Variants in RPS6KB1 observed in about 807,000 individuals in gnomAD.
RPS6KB1 encodes ribosomal protein S6 kinase B1.
A neutral mutation model predicts 70.2 loss-of-function variants in RPS6KB1; 12 were observed. That is an observed-to-expected ratio of 0.17 (90% CI 0.11 to 0.28). The LOEUF is 0.28. Among genes scored for constraint, RPS6KB1 ranks in the 10% least tolerant of loss-of-function variants. The pLI is 1.00. For missense variants in RPS6KB1, 270 were observed against 646.6 expected, an observed-to-expected ratio of 0.42 and a Z score of 6.32; for synonymous variants, 175 against 211.2, an observed-to-expected ratio of 0.83 and a Z score of 1.49.
chr17:59,912,317 A>T, intron 2 of RPS6KB1: 1 of 234,618 alleles, frequency 4.3e-6, no homozygotes, highest in Non-Finnish European at 8.8e-6. Flanking sequence ...TATGTGCGCC[A>T]GTGTTTCTAT....
intron 7 of RPS6KB1, 120 bp downstream of exon 7, chr17:59,931,842 G>A (rs1384858843): frequency 1.5e-6 from 1 of 646,318 alleles, no homozygotes; most frequent in Non-Finnish European, 2.7e-6. Flanking sequence ...TCCTCCCTCA[G>A]AATTCATGGC....
At chr17:59,922,314 T>A (rs1308125323) in intron 4 of RPS6KB1, among the ~76,000 whole-genome samples, 2 of 152,044 alleles carry the variant, frequency 1.3e-5, no homozygotes, top group Non-Finnish European at 2.9e-5. Flanking sequence ...GTGTTGAGAT[T>A]ACAGACTTGA....
At chr17:59,907,961 A>G (rs2042367834) in intron 1 of RPS6KB1, among the ~76,000 whole-genome samples, 1 of 152,168 alleles carries the variant, frequency 6.6e-6, no homozygotes, top group Non-Finnish European at 1.5e-5. Flanking sequence ...GTCAGAATAA[A>G]TGTGTGGCCA....
Position 59,947,381 on chromosome 17 carries a change from T to A in RPS6KB1, c.*593T>A, listed in dbSNP as rs1164254831. On this transcript the variant is annotated 3_prime_UTR_variant, in exon 15 of 15. Coordinates refer to ENST00000225577, the MANE Select transcript of RPS6KB1 (RefSeq NM_003161.4). ...CATCCCAAACTTTAAAATGCGAAATTATTGGTTGGTGTGAAGAAAGCCAGA... is the reference window on the plus strand; with the variant it reads ...CATCCCAAACTTTAAAATGCGAAATAATTGGTTGGTGTGAAGAAAGCCAGA... The A allele has an allele frequency of 1.3e-4, 160 of 1,229,802 alleles. No homozygotes were observed. The highest frequency in any genetic ancestry group is 1.6e-4 in the Non-Finnish European group (158 of 977,356). The allele number at this position is 1,229,802 out of a possible 1,614,324, so 76.2% of individuals were successfully genotyped here. A position where few individuals can be genotyped will look rare whatever the true frequency, so the allele number is the denominator to read the frequency against.
intron 1 of RPS6KB1, among the ~76,000 whole-genome samples, chr17:59,909,225 G>C (rs1415189472): frequency 8.9e-6 from 1 of 112,312 alleles, no homozygotes; most frequent in Non-Finnish European, 1.8e-5. Context: ...ACCGCACGTG[G>C]CTTTTTTTTT....
intron 4 of RPS6KB1, among the ~76,000 whole-genome samples, chr17:59,919,893 T>TAC (rs1157081881): frequency 1.3e-5 from 2 of 152,176 alleles, no homozygotes; most frequent in African/African-American, 4.8e-5. Context: ...TATAGATAGA[T>TAC]TCAACTTCTT....
intron 1 of RPS6KB1, chr17:59,894,020 G>A (rs2041336614): frequency 1.3e-6 from 1 of 798,700 alleles, no homozygotes; most frequent in Non-Finnish European, 1.5e-6. Context: ...CTTTCCCCAA[G>A]TTGAAGATGT....
rs765669534 is a variant in RPS6KB1, at chr17:59,936,478, T to C, written c.1056T>C (p.Phe352=). 5.6e-6 allele frequency: 9 copies of C among 1,613,924 alleles called. No homozygotes were observed. The highest frequency in any genetic ancestry group is 7.6e-6 in the Non-Finnish European group (9 of 1,179,810). ...DAGEVQAHPF[F]RHINWEELLA... is the part of the protein sequence containing the mutation. ...TTTTTTCCTAGGCTCATCCATTCTTTAGACACATTAACTGGGAAGAACTTC... is the reference window on the plus strand; with the variant it reads ...TTTTTTCCTAGGCTCATCCATTCTTCAGACACATTAACTGGGAAGAACTTC... Residue 352 remains phenylalanine, a synonymous_variant, in exon 12 of 15, where the codon TTT becomes TTC. Coordinates refer to ENST00000225577, the MANE Select transcript of RPS6KB1 (RefSeq NM_003161.4).
intron 1 of RPS6KB1, among the ~76,000 whole-genome samples, chr17:59,897,158 A>G (rs2041611462): frequency 6.6e-6 from 1 of 152,158 alleles, no homozygotes. Flanking sequence ...CAGGTTCTTC[A>G]TTGCATTTAC....
chr17:59,920,979 T>C (rs1598744779), intron 4 of RPS6KB1, among the ~76,000 whole-genome samples: 1 of 152,232 alleles, frequency 6.6e-6, no homozygotes, highest in Non-Finnish European at 1.5e-5. Context: ...ATTATGGGCG[T>C]GAGCCACTGC....
chr17:59,940,143 A>C (rs2044488108), intron 12 of RPS6KB1, among the ~76,000 whole-genome samples: 1 of 152,142 alleles, frequency 6.6e-6, no homozygotes, highest in African/African-American at 2.4e-5. Flanking sequence ...TTTATTACAA[A>C]CCTGCAGTAG....
chr17:59,940,299 T>A (rs2044500533), intron 12 of RPS6KB1, among the ~76,000 whole-genome samples: 1 of 139,434 alleles, frequency 7.2e-6, no homozygotes, highest in African/African-American at 3.1e-5. Context: ...TTTTTTTTTT[T>A]TTATTGAGAC....
rs560212366 is a variant in RPS6KB1 at position 59,917,413 on chromosome 17, GC to G, written c.381+2713del. Among the ~76,000 whole-genome samples the G allele has an allele frequency of 7.2e-5, 11 of 152,014 alleles. 1 individual carries two copies. The highest frequency in any genetic ancestry group is 6.6e-4 in the Admixed American group (10 of 15,240). ...TTGGATTACAGGTATGGCCCACTGC[GC>G]CCGGCCTATTTAATTAAATTAATTA... On this transcript the variant is annotated intron_variant, in intron 4 of 14. Transcript: ENST00000225577.
chr17:59,896,892 G>A (rs1373531057), intron 1 of RPS6KB1, among the ~76,000 whole-genome samples: 7 of 150,910 alleles, frequency 4.6e-5, no homozygotes, highest in Non-Finnish European at 7.4e-5. Flanking sequence ...AAGGAGATTC[G>A]GTGACATCCA....
chr17:59,926,628 A>G (rs1416434254), intron 5 of RPS6KB1, 46 bp downstream of exon 5: 1 of 1,454,360 alleles, frequency 6.9e-7, no homozygotes, highest in South Asian at 1.2e-5. Flanking sequence ...TGCTCCAGAA[A>G]CTGGGTCAAA....
At chr17:59,915,788 T>A (rs1242219744) in intron 4 of RPS6KB1, among the ~76,000 whole-genome samples, 3,787 of 130,766 alleles carry the variant, frequency 0.029, 116 homozygotes, top group Non-Finnish European at 0.039. Flanking sequence ...TTTTTTTTTT[T>A]TTTTTTTTTT....
intron 1 of RPS6KB1, among the ~76,000 whole-genome samples, chr17:59,896,348 C>A (rs2041565435): frequency 6.6e-6 from 1 of 152,122 alleles, no homozygotes; most frequent in African/African-American, 2.4e-5. Context: ...CACCCGCCAC[C>A]AGGCCCGGCT....
At chr17:59,900,817 T>A (rs1301695432) in intron 1 of RPS6KB1, among the ~76,000 whole-genome samples, 4 of 152,152 alleles carry the variant, frequency 2.6e-5, no homozygotes, top group Non-Finnish European at 5.9e-5. Context: ...TCAGTGACTT[T>A]GAGTATATTT....
chr17:59,935,866 A>G (rs1440874057), intron 10 of RPS6KB1, among the ~76,000 whole-genome samples: 3 of 150,084 alleles, frequency 2.0e-5, no homozygotes, highest in East Asian at 2.0e-4. Context: ...CTGGAGTGCA[A>G]TGGCATGATC....
Sources: gnomAD v4.1 joint callset for allele counts (sites outside exome capture counted in the v4.1 genomes callset) on GRCh38, gnomAD v4.1.1 for gene constraint, MANE v1.5 for transcripts, NCBI Gene and HGNC (gene_info 2026-07-23, HGNC 2026-07-21) for gene names.